NECAB2: variants seen among roughly 807,000 people sequenced by gnomAD.
The protein encoded by NECAB2 is N-terminal EF-hand calcium-binding protein 2.
NECAB2 carries 68 observed loss-of-function variants against 51.9 expected under a neutral mutation model. That is an observed-to-expected ratio of 1.31 (90% CI 1.08 to 1.60). The LOEUF (loss-of-function observed/expected upper bound fraction) is 1.60, where lower values mean the gene tolerates loss of function less well. Ranked by LOEUF, NECAB2 falls within the 40% of genes most tolerant of loss-of-function variation. The pLI, the probability that NECAB2 is intolerant of heterozygous loss-of-function variation, is 0.00. For synonymous variants in NECAB2, 329 were observed against 203.5 expected (o/e 1.62, Z -5.25); for missense variants, 854 against 490.3 (o/e 1.74, Z -7.00).
At chr16:83,989,400 C>G (rs532893265) in intron 5 of NECAB2, among the ~76,000 whole-genome samples, 1 of 152,324 alleles carries the variant, frequency 6.6e-6, no homozygotes, top group South Asian at 2.1e-4. Flanking sequence ...TCCTCTGTTT[C>G]TCAGTCTGTC....
intron 8 of NECAB2, among the ~76,000 whole-genome samples, chr16:83,995,241 C>G (rs1161005207): frequency 2.6e-5 from 4 of 152,236 alleles, no homozygotes; most frequent in Middle Eastern, 3.4e-3. Flanking sequence ...CACAATATGA[C>G]CATTTGGTGG....
intron 6 of NECAB2, among the ~76,000 whole-genome samples, chr16:83,991,905 TCA>T (rs2084630806): frequency 6.6e-6 from 1 of 151,228 alleles, no homozygotes; most frequent in Admixed American, 6.6e-5. Flanking sequence ...TCCTGCTGTC[TCA>T]GTCTTCCAAA....
At chr16:83,997,543 A>G (rs765317978) in intron 9 of NECAB2, among the ~76,000 whole-genome samples, 2 of 122,646 alleles carry the variant, frequency 1.6e-5, no homozygotes, top group Non-Finnish European at 3.2e-5. Flanking sequence ...GCTGGAGTGC[A>G]GTGGTGGGAT....
chr16:83,985,118 G>C (rs971942560), intron 5 of NECAB2, among the ~76,000 whole-genome samples: 12 of 151,656 alleles, frequency 7.9e-5, no homozygotes, highest in African/African-American at 2.9e-4. Context: ...TTTGAGACCA[G>C]CGTGGCCAAC....
chr16:83,985,237 C>T (rs1349083993), intron 5 of NECAB2, among the ~76,000 whole-genome samples: 7 of 138,014 alleles, frequency 5.1e-5, no homozygotes, highest in African/African-American at 1.4e-4. Flanking sequence ...CACTTGAACC[C>T]GGGAGGTGGA....
chr16:83,997,343 C>G (rs1567677886), intron 9 of NECAB2, 74 bp downstream of exon 9: 2 of 1,587,636 alleles, frequency 1.3e-6, no homozygotes, highest in Non-Finnish European at 1.7e-6. Context: ...CCAAGTGGCT[C>G]AATGCCCCTG....
chr16:84,000,747 A>T lies in NECAB2; in HGVS notation c.986A>T (p.Asp329Val). 1 of 1,613,852 alleles carries T rather than the reference A, an allele frequency of 6.2e-7. No homozygotes were observed. Among genetic ancestry groups the T allele is most frequent in the Non-Finnish European group, 8.5e-7 (1 of 1,179,980 alleles). ...CFHITAVRLS[D>V]GFTFVIYEFW... ...AGCATCACTGCCGTGAGGCTCTCAG[A>T]TGGCTTCACCTTTGTCATCTATGAG... The change falls in exon 11 of 13, where the codon GAT becomes GTT. Residue 329 changes from aspartate (D) to valine (V), a missense_variant. Transcript: ENST00000305202.
At chr16:83,980,942 G>A in intron 4 of NECAB2, 78 bp downstream of exon 4, 3 of 1,608,334 alleles carry the variant, frequency 1.9e-6, no homozygotes, top group Non-Finnish European at 2.6e-6. Context: ...GGCAGGGGAG[G>A]CTGGAGGTAG....
rs568118794 is a variant in NECAB2, at chr16:83,968,975, G to A, written c.201+126G>A. ...TCCCTACCCGGGCAGGAGACCCCCG[G>A]CCCCTCCGCGTGCCGGAGCGGGAGC... On this transcript the variant is annotated intron_variant, in intron 1 of 12. Coordinates refer to ENST00000305202, the MANE Select transcript of NECAB2 (RefSeq NM_019065.3). 4,713 of 490,806 alleles carry A rather than the reference G, an allele frequency of 9.6e-3. 26 individuals are homozygous for A. The highest frequency in any genetic ancestry group is 0.02 in the Middle Eastern group (22 of 1,100). 30.4% of individuals were successfully genotyped at this position (490,806 alleles called of 1,614,324 possible).
intron 6 of NECAB2, among the ~76,000 whole-genome samples, chr16:83,993,195 C>T (rs985078272): frequency 2.6e-5 from 4 of 152,136 alleles, no homozygotes; most frequent in Non-Finnish European, 4.4e-5. Context: ...CAGGATGTCA[C>T]CTCTAGCACA....
chr16:83,970,203 G>C (rs775607007), intron 1 of NECAB2, among the ~76,000 whole-genome samples: 13 of 152,110 alleles, frequency 8.5e-5, no homozygotes, highest in Non-Finnish European at 1.3e-4. Context: ...AGTGATGAGC[G>C]GGGGGTGGGG....
chr16:83,965,325 G>A (rs753046276), upstream of NECAB2: 1 of 1,576,760 alleles, frequency 6.3e-7, no homozygotes, highest in South Asian at 1.2e-5. Context: ...ACGTTCGACA[G>A]CCCGGCCCGG....
chr16:83,982,145 C>T (rs548147216), intron 5 of NECAB2, among the ~76,000 whole-genome samples: 14 of 152,206 alleles, frequency 9.2e-5, no homozygotes, highest in Non-Finnish European at 1.3e-4. Flanking sequence ...TGTATCAATA[C>T]GCTCCTACTG....
upstream of NECAB2, among the ~76,000 whole-genome samples, chr16:83,966,795 C>G (rs144758685): frequency 3.3e-4 from 51 of 152,354 alleles, 1 homozygote; most frequent in African/African-American, 1.2e-3. Flanking sequence ...TAGGAAGCCT[C>G]TTCTGACACA....
rs193204389 is a variant in NECAB2 at position 83,991,930 on chromosome 16, C to T, written c.596+1300C>T. Among the ~76,000 whole-genome samples the T allele has an allele frequency of 4.0e-4, 60 of 151,506 alleles. No homozygotes were observed. The East Asian group carries it at 7.6e-3, about 19-fold the overall frequency. Reference sequence around the variant, plus strand: ...TCAGTCTTCCAAAGGGCTGGGATTACAGGCAGGAGCCACCACACCCCAGCC... The same window carrying T: ...TCAGTCTTCCAAAGGGCTGGGATTATAGGCAGGAGCCACCACACCCCAGCC... On this transcript the variant is annotated intron_variant, in intron 6 of 12. Coordinates refer to ENST00000305202, the MANE Select transcript of NECAB2 (RefSeq NM_019065.3).
At chr16:83,969,000 C>T (rs1473933329) in intron 1 of NECAB2, 151 bp downstream of exon 1, 10 of 329,578 alleles carry the variant, frequency 3.0e-5, no homozygotes, top group Non-Finnish European at 4.1e-5. Context: ...GGAGCGGGAG[C>T]CCCCAGCCCC....
chr16:84,001,769 C>T, intron 11 of NECAB2, 56 bp from the exon 12 acceptor site: 1 of 1,578,632 alleles, frequency 6.3e-7, no homozygotes, highest in African/African-American at 1.4e-5. Flanking sequence ...ACAGGGGAGC[C>T]ACACGCGGAG....
chr16:83,967,382 G>A (rs1183997552), upstream of NECAB2, among the ~76,000 whole-genome samples: 2 of 134,150 alleles, frequency 1.5e-5, no homozygotes, highest in East Asian at 5.2e-4. Flanking sequence ...TGGATGGGAG[G>A]ATGGGTGGGT....
intron 5 of NECAB2, among the ~76,000 whole-genome samples, chr16:83,989,665 C>A (rs1307513722): frequency 6.6e-6 from 1 of 152,146 alleles, no homozygotes; most frequent in Non-Finnish European, 1.5e-5. Flanking sequence ...CCTTGAGCGA[C>A]GTGGGTAAGC....
Sources: gnomAD v4.1 joint callset for allele counts (sites outside exome capture counted in the v4.1 genomes callset) on GRCh38, gnomAD v4.1.1 for gene constraint, MANE v1.5 for transcripts, NCBI Gene and HGNC (gene_info 2026-07-23, HGNC 2026-07-21) for gene names.